CTNND2: variants seen among roughly 807,000 people sequenced by gnomAD.
CTNND2 encodes catenin delta-2.
In CTNND2, 22 loss-of-function variants were observed where a neutral mutation model predicts 144.4. The ratio of observed to expected loss-of-function variants is 0.15; its 90% CI spans 0.11 to 0.22. The LOEUF (loss-of-function observed/expected upper bound fraction) is 0.22, where lower values mean the gene tolerates loss of function less well. Ranked by LOEUF, CTNND2 falls within the 10% of genes least tolerant of loss-of-function variation. CTNND2 has a pLI of 1.00. For synonymous variants in CTNND2, 751 were observed against 695.6 expected (o/e 1.08, Z -1.25); for missense variants, 1,353 against 1,618.8 (o/e 0.84, Z 2.82).
intron 3 of CTNND2, among the ~76,000 whole-genome samples, chr5:11,510,668 T>C (rs1771548074): frequency 6.6e-6 from 1 of 152,328 alleles, no homozygotes; most frequent in Non-Finnish European, 1.5e-5. Flanking sequence ...CAATGGCTCA[T>C]GCCTATAATC....
At chr5:11,807,747 C>T (rs972407834) in intron 1 of CTNND2, among the ~76,000 whole-genome samples, 6 of 152,132 alleles carry the variant, frequency 3.9e-5, no homozygotes, top group African/African-American at 1.4e-4. Context: ...CGGACAGAGG[C>T]ATAATGGTTC....
intron 1 of CTNND2, among the ~76,000 whole-genome samples, chr5:11,842,667 G>A (rs1211416033): frequency 2.0e-5 from 3 of 151,110 alleles, no homozygotes; most frequent in Admixed American, 6.6e-5. Flanking sequence ...TGCAGTGAAC[G>A]GAGATGGTGC....
At chr5:11,582,019 C>T (rs147519199) in intron 2 of CTNND2, among the ~76,000 whole-genome samples, 1,531 of 152,214 alleles carry the variant, frequency 0.01, 8 homozygotes, top group Non-Finnish European at 0.016. Flanking sequence ...CTTTTACTGA[C>T]CAAGGACTGA....
intron 9 of CTNND2, among the ~76,000 whole-genome samples, chr5:11,342,795 C>T (rs1046528242): frequency 5.9e-5 from 9 of 152,124 alleles, no homozygotes; most frequent in Non-Finnish European, 2.9e-5. Context: ...TGACTTATCA[C>T]TACCAACATG....
At chr5:11,822,262 G>T (rs975375679) in intron 1 of CTNND2, among the ~76,000 whole-genome samples, 3 of 152,170 alleles carry the variant, frequency 2.0e-5, no homozygotes, top group African/African-American at 7.2e-5. Context: ...CTGTCTATCA[G>T]TCTGTATCTC....
chr5:11,169,463 C>G (rs1415692285), intron 11 of CTNND2, among the ~76,000 whole-genome samples: 1 of 152,124 alleles, frequency 6.6e-6, no homozygotes, highest in East Asian at 1.9e-4. Context: ...TTCAGGGGAT[C>G]CATTATCCAT....
At chr5:11,466,503 A>G (rs1766692991) in intron 3 of CTNND2, among the ~76,000 whole-genome samples, 1 of 152,244 alleles carries the variant, frequency 6.6e-6, no homozygotes, top group Non-Finnish European at 1.5e-5. Context: ...ACTATGATAT[A>G]TAACAGAAGA....
chr5:11,589,010 C>T (rs185866833), intron 2 of CTNND2: 15 of 985,200 alleles, frequency 1.5e-5, no homozygotes, highest in Middle Eastern at 1.0e-3. Context: ...TGCTTTCACT[C>T]GCAAACAGTT....
intron 1 of CTNND2, among the ~76,000 whole-genome samples, chr5:11,795,761 T>A (rs932676449): frequency 6.6e-6 from 1 of 152,232 alleles, no homozygotes; most frequent in African/African-American, 2.4e-5. Context: ...CCATTCAATA[T>A]GGAGATGTGA....
intron 2 of CTNND2, among the ~76,000 whole-genome samples, chr5:11,654,849 AG>A (rs35380796): frequency 0.089 from 13,471 of 152,152 alleles, 805 homozygotes; most frequent in Non-Finnish European, 0.13. Context: ...CTTTTAGCTT[AG>A]TTCCATCCAC....
intron 16 of CTNND2, among the ~76,000 whole-genome samples, chr5:11,046,236 C>T (rs988988899): frequency 1.3e-5 from 2 of 152,118 alleles, no homozygotes; most frequent in South Asian, 2.1e-4. Context: ...GACAGAGATC[C>T]TTACAGAAAG....
chr5:10,984,423 A>C (rs1737678301), intron 20 of CTNND2, among the ~76,000 whole-genome samples: 1 of 152,210 alleles, frequency 6.6e-6, no homozygotes, highest in Non-Finnish European at 1.5e-5. Flanking sequence ...TTAAATGCAT[A>C]TATTTTTTAG....
intron 16 of CTNND2, among the ~76,000 whole-genome samples, chr5:11,054,754 G>A (rs1746183046): frequency 6.6e-6 from 1 of 152,070 alleles, no homozygotes; most frequent in African/African-American, 2.4e-5. Flanking sequence ...AGGACTCTTT[G>A]GGGAGCATCA....
At chr5:11,807,672 A>C (rs1792080177) in intron 1 of CTNND2, among the ~76,000 whole-genome samples, 1 of 152,150 alleles carries the variant, frequency 6.6e-6, no homozygotes, top group Non-Finnish European at 1.5e-5. Flanking sequence ...TAGGTTTTCA[A>C]AGCCCACTCT....
At chr5:11,745,129 A>C (rs1312165758) in intron 1 of CTNND2, among the ~76,000 whole-genome samples, 1 of 152,068 alleles carries the variant, frequency 6.6e-6, no homozygotes, top group Non-Finnish European at 1.5e-5. Flanking sequence ...AACGTACTAT[A>C]TTATCATTGT....
chr5:11,451,060 G>T (rs1285781977), intron 3 of CTNND2, among the ~76,000 whole-genome samples: 1 of 151,572 alleles, frequency 6.6e-6, no homozygotes, highest in African/African-American at 2.4e-5. Flanking sequence ...ACATGCAAAT[G>T]TAGAAATTTT....
intron 9 of CTNND2, among the ~76,000 whole-genome samples, chr5:11,237,562 A>G (rs773942914): frequency 3.9e-5 from 6 of 151,916 alleles, no homozygotes; most frequent in Non-Finnish European, 7.4e-5. Context: ...GTGCAGTGGC[A>G]TAATTATAGC....
At chr5:11,379,674 A>G (rs1221250098) in intron 7 of CTNND2, among the ~76,000 whole-genome samples, 3 of 152,160 alleles carry the variant, frequency 2.0e-5, no homozygotes, top group African/African-American at 7.2e-5. Flanking sequence ...GTATTGTCCC[A>G]TTTCAAAGCA....
intron 18 of CTNND2, among the ~76,000 whole-genome samples, chr5:11,000,819 G>C (rs530632305): frequency 7.4e-4 from 112 of 152,226 alleles, no homozygotes; most frequent in African/African-American, 2.6e-3. Flanking sequence ...AGTAATGCCT[G>C]GGCCCCAGCC....
Sources: allele counts gnomAD v4.1 joint callset (sites outside exome capture counted in the v4.1 genomes callset), GRCh38; gene constraint gnomAD v4.1.1; transcripts MANE v1.5; gene names NCBI Gene and HGNC (gene_info 2026-07-23, HGNC 2026-07-21).